KLF3: variants seen among roughly 807,000 people sequenced by gnomAD.
KLF3 encodes the protein Krueppel-like factor 3.
A neutral mutation model predicts 32.7 loss-of-function variants in KLF3; 6 were observed. The observed-to-expected ratio is 0.18, with a 90% confidence interval of 0.10 to 0.36. The LOEUF is 0.36. Ranked by LOEUF, KLF3 falls within the 10% of genes least tolerant of loss-of-function variation. KLF3 has a pLI of 1.00. For missense variants in KLF3, 338 were observed against 449.7 expected, an observed-to-expected ratio of 0.75 and a Z score of 2.25; for synonymous variants, 145 against 172.8, an observed-to-expected ratio of 0.84 and a Z score of 1.26.
intron 2 of KLF3, 85 bp downstream of exon 2, chr4:38,680,767 A>G: frequency 1.8e-6 from 2 of 1,105,816 alleles, no homozygotes; most frequent in Non-Finnish European, 2.7e-6. Flanking sequence ...CCTTGAAATC[A>G]TGGCCGGGCG....
At chr4:38,678,242 G>A (rs1374732521) in intron 1 of KLF3, among the ~76,000 whole-genome samples, 1 of 152,080 alleles carries the variant, frequency 6.6e-6, no homozygotes, top group African/African-American at 2.4e-5. Flanking sequence ...ATGTAAGCAG[G>A]AGATCTCACA....
rs147842554 is a variant in KLF3, at chr4:38,665,334, A to G, written c.-40+873A>G. Among the ~76,000 whole-genome samples the G allele has an allele frequency of 1.0e-3, 153 of 152,320 alleles. 1 individual carries two copies. Among genetic ancestry groups the G allele is most frequent in the African/African-American group, 2.9e-3 (120 of 41,588 alleles). On this transcript the variant is annotated intron_variant, in intron 1 of 5. Transcript: ENST00000261438. ...GGACCCAGGGACAGATCCCTGGATC[A>G]GGACCCATGGGACCTACCTAACATT... is the stretch of plus-strand genomic sequence containing the variant.
chr4:38,693,091 C>T (rs1350816958), intron 4 of KLF3, among the ~76,000 whole-genome samples: 1 of 108,082 alleles, frequency 9.3e-6, no homozygotes, highest in Non-Finnish European at 1.9e-5. Context: ...TATATATACA[C>T]GTATATATAT....
chr4:38,699,777 A>T lies in KLF3; in HGVS notation c.*2514A>T, dbSNP rs1723149893. ...CCATTCTCTATTCCCATGCTGGTCAATACGCTTTCATTACCAATTGGCCCT... is the reference window on the plus strand; with the variant it reads ...CCATTCTCTATTCCCATGCTGGTCATTACGCTTTCATTACCAATTGGCCCT... On this transcript the variant is annotated 3_prime_UTR_variant, in exon 6 of 6. Coordinates refer to ENST00000261438, the MANE Select transcript of KLF3 (RefSeq NM_016531.6). 6.6e-6 allele frequency: 1 copy of T among 152,236 alleles called. No individual in the cohort carries two copies. The highest frequency in any genetic ancestry group is 2.4e-5 in the African/African-American group (1 of 41,464). The allele number at this position is 152,236 out of a possible 1,614,324, so 9.4% of individuals were successfully genotyped here. A position where few individuals can be genotyped will look rare whatever the true frequency, so the allele number is the denominator to read the frequency against.
At chr4:38,669,884 ACT>A (rs1254422596) in intron 1 of KLF3, among the ~76,000 whole-genome samples, 14 of 97,822 alleles carry the variant, frequency 1.4e-4, no homozygotes, top group Non-Finnish European at 5.5e-5. Flanking sequence ...CAAGAGTGAG[ACT>A]CTGTCTCAAA....
intron 4 of KLF3, among the ~76,000 whole-genome samples, chr4:38,693,891 G>T (rs1008084364): frequency 5.9e-5 from 9 of 152,158 alleles, no homozygotes; most frequent in Admixed American, 5.9e-4. Flanking sequence ...AGCTTAGATT[G>T]TAAGATTTTT....
At chr4:38,685,232 T>C (rs1722657170) in intron 2 of KLF3, among the ~76,000 whole-genome samples, 1 of 152,176 alleles carries the variant, frequency 6.6e-6, no homozygotes, top group African/African-American at 2.4e-5. Flanking sequence ...AAAGCTTGTG[T>C]GTGCCACCCA....
chr4:38,677,445 A>G (rs1042250234), intron 1 of KLF3, among the ~76,000 whole-genome samples: 4 of 152,240 alleles, frequency 2.6e-5, no homozygotes, highest in Non-Finnish European at 5.9e-5. Flanking sequence ...TGCTGTGGGC[A>G]TTAGACAAAG....
intron 1 of KLF3, among the ~76,000 whole-genome samples, chr4:38,678,545 G>A (rs534875219): frequency 1.3e-3 from 193 of 152,330 alleles, no homozygotes; most frequent in African/African-American, 4.6e-3. Context: ...AAGGCCTTAT[G>A]TCGAGTTATT....
In KLF3 at chr4:38,694,810, C is replaced by G; in HGVS notation, c.760C>G (p.Gln254Glu). ...TTTACCTGTGGAATCCCCGGATACTCAAAGGAAGCGGAGGATACACAGATG... is the reference window on the plus strand; with the variant it reads ...TTTACCTGTGGAATCCCCGGATACTGAAAGGAAGCGGAGGATACACAGATG... Reference protein sequence around the residue: ...RPLPVESPDTQRKRRIHRCDY... With the variant: ...RPLPVESPDTERKRRIHRCDY... Residue 254 changes from glutamine (Q) to glutamate (E), a missense_variant, in exon 5 of 6, where the codon CAA (glutamine) becomes GAA (glutamate). By Grantham distance (29) the Gln-to-Glu change is conservative. Coordinates refer to ENST00000261438, the MANE Select transcript of KLF3 (RefSeq NM_016531.6). 1 of 1,607,040 alleles carries G rather than the reference C, an allele frequency of 6.2e-7. No individual in the cohort carries two copies. Among genetic ancestry groups the G allele is most frequent in the East Asian group, 2.2e-5 (1 of 44,468 alleles).
intron 1 of KLF3, among the ~76,000 whole-genome samples, 192 bp from the exon 2 acceptor site, chr4:38,680,395 G>T (rs1311788404): frequency 6.6e-6 from 1 of 151,866 alleles, no homozygotes; most frequent in African/African-American, 2.4e-5. Flanking sequence ...TGCATTTTTA[G>T]TGGAGACGGG....
Position 38,682,009 on chromosome 4 carries a change from C to G in KLF3, c.57+1327C>G, listed in dbSNP as rs73134269. Among the ~76,000 whole-genome samples the G allele has an allele frequency of 1.7e-3, 252 of 152,318 alleles. 1 individual carries two copies. Among genetic ancestry groups the G allele is most frequent in the African/African-American group, 5.7e-3 (237 of 41,564 alleles). ...CATTCCAGCATGATAACTGAATAAC[C>G]AAGTGTCTGAATATGGTAGCAACTG... On this transcript the variant is annotated intron_variant, in intron 2 of 5. Coordinates refer to ENST00000261438, the MANE Select transcript of KLF3 (RefSeq NM_016531.6).
chr4:38,687,909 G>GACTTTCAGC (rs1368085076), intron 2 of KLF3, among the ~76,000 whole-genome samples: 1 of 152,138 alleles, frequency 6.6e-6, no homozygotes, highest in Non-Finnish European at 1.5e-5. Flanking sequence ...TGGGATGTGG[G>GACTTTCAGC]ACTTTCAGTG....
At chr4:38,684,447 A>G (rs1256832370) in intron 2 of KLF3, among the ~76,000 whole-genome samples, 2 of 152,016 alleles carry the variant, frequency 1.3e-5, no homozygotes, top group African/African-American at 4.8e-5. Flanking sequence ...CACACTGTGC[A>G]GGGGTGTGAA....
rs1434037974 is a variant in KLF3, at chr4:38,700,874, T to A, written c.*3611T>A. 1 of 152,248 alleles carries A rather than the reference T, an allele frequency of 6.6e-6. No homozygotes were observed. The highest frequency in any genetic ancestry group is 6.5e-5 in the Admixed American group (1 of 15,278). The allele number at this position is 152,248 out of a possible 1,614,324, so 9.4% of individuals were successfully genotyped here. On this transcript the variant is annotated 3_prime_UTR_variant, in exon 6 of 6. Coordinates refer to ENST00000261438, the MANE Select transcript of KLF3 (RefSeq NM_016531.6). ...TAATCTTTCTTACTAAAGATGTGAA[T>A]GTTTAATGTACCTTCTCTGTTTCTA... is the stretch of plus-strand genomic sequence containing the variant.
chr4:38,666,389 T>C (rs999991677), intron 1 of KLF3, among the ~76,000 whole-genome samples: 3 of 146,892 alleles, frequency 2.0e-5, no homozygotes, highest in African/African-American at 7.5e-5. Context: ...TTTTTTTTTC[T>C]TTTTTTTTTT....
At position 38,689,084 on chromosome 4, in the gene KLF3, A is replaced by G. The variant is rs1184471258; in HGVS notation, c.544+13A>G. ...AGTAGCATGCAAGGTAAATTCCGCC[A>G]CTGCTCCATGCTGCTGCACTTGCTT... On this transcript the variant is annotated intron_variant, in intron 3 of 5. Coordinates refer to ENST00000261438, the MANE Select transcript of KLF3 (RefSeq NM_016531.6). 1.2e-6 allele frequency: 2 copies of G among 1,611,662 alleles called. No individual in the cohort carries two copies. The highest frequency in any genetic ancestry group is 2.7e-5 in the African/African-American group (2 of 74,900).
At chr4:38,672,377 C>A (rs539450827) in intron 1 of KLF3, among the ~76,000 whole-genome samples, 1 of 152,072 alleles carries the variant, frequency 6.6e-6, no homozygotes, top group Non-Finnish European at 1.5e-5. Context: ...CGGTGTGGGA[C>A]GCACCACTGG....
At chr4:38,692,098 T>G (rs1397127769) in intron 4 of KLF3, among the ~76,000 whole-genome samples, 1 of 152,192 alleles carries the variant, frequency 6.6e-6, no homozygotes, top group East Asian at 1.9e-4. Flanking sequence ...AAAACTATAT[T>G]TAGAACAAAA....
Sources: allele counts gnomAD v4.1 joint callset (sites outside exome capture counted in the v4.1 genomes callset), GRCh38; gene constraint gnomAD v4.1.1; transcripts MANE v1.5; gene names NCBI Gene and HGNC (gene_info 2026-07-23, HGNC 2026-07-21).